Variants in TAF1B observed in about 807,000 individuals in gnomAD.
TAF1B encodes TATA box-binding protein-associated factor RNA polymerase I subunit B.
In TAF1B, 61 loss-of-function variants were observed where a neutral mutation model predicts 83.9. The observed-to-expected ratio is 0.73, with a 90% CI of 0.59 to 0.90. The LOEUF is 0.90. Ranked by LOEUF, TAF1B falls within the 40% of genes least tolerant of loss-of-function variation. The pLI is 0.00. For missense variants in TAF1B, 625 were observed against 677.0 expected (o/e 0.92, Z 0.85); for synonymous variants, 221 against 224.6 (o/e 0.98, Z 0.14).
intron 7 of TAF1B, among the ~76,000 whole-genome samples, chr2:9,881,785 T>G (rs2125154163): frequency 6.6e-6 from 1 of 152,370 alleles, no homozygotes; most frequent in East Asian, 1.9e-4. Context: ...ATGTGTTATT[T>G]TCTTCAAACT....
chr2:9,883,646 G>T (rs562048077), intron 8 of TAF1B, among the ~76,000 whole-genome samples: 2 of 152,196 alleles, frequency 1.3e-5, no homozygotes, highest in Non-Finnish European at 2.9e-5. Context: ...TGAAATTAAT[G>T]TAGGAGAACT....
At chr2:9,904,782 T>C in intron 8 of TAF1B, 77 bp from the exon 9 acceptor site, 1 of 1,415,218 alleles carries the variant, frequency 7.1e-7, no homozygotes, top group South Asian at 1.3e-5. Context: ...ATAATAGCCA[T>C]TCTAAATCAG....
chr2:9,884,078 A>G (rs1022408333), intron 8 of TAF1B, among the ~76,000 whole-genome samples: 1 of 152,248 alleles, frequency 6.6e-6, no homozygotes, highest in Non-Finnish European at 1.5e-5. Flanking sequence ...GTGAGCAAGC[A>G]TGGGGTCTGG....
At chr2:9,892,772 A>AT (rs1203107682) in intron 8 of TAF1B, among the ~76,000 whole-genome samples, 3 of 152,040 alleles carry the variant, frequency 2.0e-5, no homozygotes, top group Non-Finnish European at 4.4e-5. Context: ...TTTTTTGGAT[A>AT]TTATCCAGCA....
At chr2:9,883,298 G>C (rs1664569441) in intron 8 of TAF1B, among the ~76,000 whole-genome samples, 1 of 152,158 alleles carries the variant, frequency 6.6e-6, no homozygotes, top group South Asian at 2.1e-4. Context: ...TTATGAGTTT[G>C]TGTCACTATT....
chr2:9,845,889 A>T (rs1377918083), intron 2 of TAF1B: 1 of 317,936 alleles, frequency 3.1e-6, no homozygotes, highest in Admixed American at 4.3e-5. Context: ...AGGCTGAGGC[A>T]GGAGAATCGC....
chr2:9,910,549 C>G (rs188119295), intron 9 of TAF1B, among the ~76,000 whole-genome samples, 187 bp from the exon 10 acceptor site: 2 of 152,242 alleles, frequency 1.3e-5, no homozygotes, highest in East Asian at 3.9e-4. Flanking sequence ...GGGAATGATA[C>G]GCCGTTTTAA....
At chr2:9,919,539 G>GC in intron 13 of TAF1B, 59 bp from the exon 14 acceptor site, 1 of 1,450,302 alleles carries the variant, frequency 6.9e-7, no homozygotes, top group Non-Finnish European at 9.7e-7. Context: ...TAAATTCCAG[G>GC]CTTTATTTGT....
chr2:9,863,937 C>T (rs1482770112), intron 5 of TAF1B, among the ~76,000 whole-genome samples: 8 of 152,108 alleles, frequency 5.3e-5, no homozygotes, highest in Non-Finnish European at 2.9e-5. Context: ...CTCTGGGACA[C>T]ATTCGAAGCA....
intron 11 of TAF1B, 23 bp downstream of exon 11, chr2:9,911,580 A>C: frequency 6.8e-7 from 1 of 1,470,970 alleles, no homozygotes; most frequent in Non-Finnish European, 9.2e-7. Context: ...TTTATCATTC[A>C]AATTCAAAGT....
At chr2:9,888,156 G>A (rs992287845) in intron 8 of TAF1B, among the ~76,000 whole-genome samples, 1 of 151,980 alleles carries the variant, frequency 6.6e-6, no homozygotes, top group Non-Finnish European at 1.5e-5. Context: ...GGTTGCTCTA[G>A]GGTTTACAGT....
intron 5 of TAF1B, among the ~76,000 whole-genome samples, chr2:9,867,423 G>C (rs1185532739): frequency 6.6e-6 from 1 of 152,238 alleles, no homozygotes; most frequent in Non-Finnish European, 1.5e-5. Context: ...CTTCCCTATA[G>C]GGAGGGGATA....
rs551465929 is a variant in TAF1B at position 9,900,389 on chromosome 2, G to T, written c.808-4470G>T. Among the ~76,000 whole-genome samples, 3 of 152,210 alleles carry T rather than the reference G, an allele frequency of 2.0e-5. No individual in the cohort carries two copies. In the South Asian group the frequency reaches 6.2e-4, roughly 32 times the overall value. The stretch of plus-strand genomic sequence containing the variant: ...TCTCTACAAAAAATACAAAAAATTA[G>T]CTGGGTGTGGTGGTGCATGCCTATA... On this transcript the variant is annotated intron_variant, in intron 8 of 14. Transcript: ENST00000263663.
intron 9 of TAF1B, among the ~76,000 whole-genome samples, chr2:9,910,095 G>C (rs183776549): frequency 7.2e-5 from 11 of 152,270 alleles, no homozygotes; most frequent in Non-Finnish European, 1.2e-4. Context: ...AGTTTTCAAA[G>C]TCTATTCACT....
intron 8 of TAF1B, among the ~76,000 whole-genome samples, chr2:9,889,483 GT>G (rs1215745583): frequency 6.6e-6 from 1 of 151,568 alleles, no homozygotes; most frequent in Non-Finnish European, 1.5e-5. Flanking sequence ...TTATGTTCTT[GT>G]TTTCTTTTAT....
At chr2:9,922,591 C>A (rs1265323308) in intron 14 of TAF1B, among the ~76,000 whole-genome samples, 4 of 152,050 alleles carry the variant, frequency 2.6e-5, no homozygotes, top group Admixed American at 1.3e-4. Flanking sequence ...GTCCCCTGGC[C>A]TATTTCATTT....
At chr2:9,857,685 C>T (rs975349712) in intron 5 of TAF1B, among the ~76,000 whole-genome samples, 1 of 151,946 alleles carries the variant, frequency 6.6e-6, no homozygotes, top group South Asian at 2.1e-4. Flanking sequence ...TAATCATGGC[C>T]GAAGGAGAGG....
chr2:9,889,116 T>C (rs1664784837), intron 8 of TAF1B, among the ~76,000 whole-genome samples: 1 of 151,856 alleles, frequency 6.6e-6, no homozygotes, highest in East Asian at 1.9e-4. Flanking sequence ...TGCTTGGGTT[T>C]TATTTACCTT....
At chr2:9,904,236 G>A (rs1665275729) in intron 8 of TAF1B, among the ~76,000 whole-genome samples, 2 of 152,252 alleles carry the variant, frequency 1.3e-5, no homozygotes, top group South Asian at 4.1e-4. Flanking sequence ...AACAAGCACA[G>A]TAAAGGTAGT....
Sources: allele counts gnomAD v4.1 joint callset (sites outside exome capture counted in the v4.1 genomes callset), GRCh38; gene constraint gnomAD v4.1.1; transcripts MANE v1.5; gene names NCBI Gene and HGNC (gene_info 2026-07-23, HGNC 2026-07-21).